Variants in SEC14L1 observed in about 807,000 individuals in gnomAD.
SEC14L1 encodes the protein SEC14-like protein 1.
Under a neutral mutation model 85.3 loss-of-function variants are expected in SEC14L1, and 48 were observed. The observed-to-expected ratio is 0.56, with a 90% CI of 0.45 to 0.72. The LOEUF (loss-of-function observed/expected upper bound fraction) is 0.72. Among genes scored for constraint, SEC14L1 ranks in the 30% least tolerant of loss-of-function variants. The pLI, the probability that SEC14L1 is intolerant of heterozygous loss-of-function variation, is 0.00. For synonymous variants in SEC14L1, 391 were observed against 355.5 expected (o/e 1.10, Z -1.12); for missense variants, 682 against 921.4 (o/e 0.74, Z 3.36).
At chr17:77,153,973 A>G (rs1029753345) in intron 3 of SEC14L1, among the ~76,000 whole-genome samples, 11 of 152,234 alleles carry the variant, frequency 7.2e-5, no homozygotes, top group Non-Finnish European at 1.2e-4. Context: ...CTTGCATGGT[A>G]CAAGTTGATG....
chr17:77,202,673 A>C (rs1226089195), intron 9 of SEC14L1, among the ~76,000 whole-genome samples: 1 of 152,076 alleles, frequency 6.6e-6, no homozygotes, highest in East Asian at 1.9e-4. Context: ...TAATCCTAGA[A>C]GTTTGGGAGG....
intron 3 of SEC14L1, among the ~76,000 whole-genome samples, chr17:77,158,221 C>T (rs1194427750): frequency 6.6e-6 from 1 of 152,224 alleles, no homozygotes; most frequent in Non-Finnish European, 1.5e-5. Flanking sequence ...TTCAGTGGCA[C>T]TAACTAAATT....
chr17:77,194,030 C>T (rs17540424), intron 6 of SEC14L1, among the ~76,000 whole-genome samples: 7,757 of 152,180 alleles, frequency 0.051, 311 homozygotes, highest in Admixed American at 0.11. Context: ...TTTGAAGGCT[C>T]ATTTTCAGGG....
chr17:77,216,279 A>C lies in SEC14L1; in HGVS notation c.*2256A>C, dbSNP rs187855520. ...GTAGGTAGGGTTCGTAGGTAGGGTT[A>C]GTAGGTAGGGTTCGTAGGTAGGGCT... On this transcript the variant is annotated 3_prime_UTR_variant, in exon 17 of 17. Coordinates refer to ENST00000436233, the MANE Select transcript of SEC14L1 (RefSeq NM_001143998.2). 2,116 of 1,127,116 alleles carry C rather than the reference A, an allele frequency of 1.9e-3. 101 individuals are homozygous for C. In the East Asian group the frequency reaches 0.052, roughly 28 times the overall value. The allele number at this position is 1,127,116 out of a possible 1,614,324, so 69.8% of individuals were successfully genotyped here.
Position 77,206,118 on chromosome 17 carries a change from G to T in SEC14L1, c.1170-111G>T. 2 of 1,049,824 alleles carry T rather than the reference G, an allele frequency of 1.9e-6. No homozygotes were observed. Among genetic ancestry groups the T allele is most frequent in the Non-Finnish European group, 2.8e-6 (2 of 726,502 alleles). The allele number at this position is 1,049,824 out of a possible 1,614,324, so 65.0% of individuals were successfully genotyped here. A position where few individuals can be genotyped will look rare whatever the true frequency, so the allele number is the denominator to read the frequency against. ...CATAGCACTATAATTTAAAAAAATT[G>T]ATTATGATGTATTTGGAAATAGCTA... On this transcript the variant is annotated intron_variant, in intron 11 of 16. Coordinates refer to ENST00000436233, the MANE Select transcript of SEC14L1 (RefSeq NM_001143998.2). The surrounding 1 kb of genome is among the most constrained non-coding windows in gnomAD (Gnocchi z 4.3).
chr17:77,134,249 C>T (rs1028297858), intron 3 of SEC14L1, among the ~76,000 whole-genome samples: 1 of 145,472 alleles, frequency 6.9e-6, no homozygotes, highest in African/African-American at 2.5e-5. Context: ...AACACACACA[C>T]ACTTTTTTTT....
At chr17:77,092,374 C>T (rs1397968790) in intron 2 of SEC14L1, among the ~76,000 whole-genome samples, 1 of 152,062 alleles carries the variant, frequency 6.6e-6, no homozygotes, top group Non-Finnish European at 1.5e-5. Context: ...AGGACATTTT[C>T]TGTTGAACCC....
intron 3 of SEC14L1, among the ~76,000 whole-genome samples, chr17:77,163,181 G>A (rs1266250340): frequency 1.3e-5 from 2 of 152,152 alleles, no homozygotes; most frequent in African/African-American, 2.4e-5. Context: ...AGCGAGTATA[G>A]AGTCTGTGAA....
At chr17:77,153,735 C>T (rs1257409982) in intron 3 of SEC14L1, among the ~76,000 whole-genome samples, 4 of 151,944 alleles carry the variant, frequency 2.6e-5, no homozygotes, top group Non-Finnish European at 4.4e-5. Context: ...CAGTCCTTGC[C>T]CTCTTCTGTT....
intron 3 of SEC14L1, among the ~76,000 whole-genome samples, chr17:77,113,236 T>C (rs1358690747): frequency 6.6e-6 from 1 of 152,204 alleles, no homozygotes; most frequent in Non-Finnish European, 1.5e-5. Flanking sequence ...GAATTCTATC[T>C]TGAGAACAGA....
At chr17:77,111,191 GAAAAAAAA>G (rs57425211) in intron 3 of SEC14L1, among the ~76,000 whole-genome samples, 3 of 101,116 alleles carry the variant, frequency 3.0e-5, no homozygotes, top group Non-Finnish European at 6.0e-5. Context: ...GTCTCAAAAA[GAAAAAAAA>G]AAAAAAAAAA....
At chr17:77,190,776 C>T (rs747736632) in intron 3 of SEC14L1, 27 bp from the exon 4 acceptor site, 2 of 1,613,292 alleles carry the variant, frequency 1.2e-6, no homozygotes, top group Admixed American at 3.3e-5. Context: ...TTGCTCACTT[C>T]TGCTTTCTTG....
In SEC14L1 at chr17:77,196,205, A is replaced by G; in HGVS notation, c.713A>G (p.Lys238Arg). 1 of 1,612,556 alleles carries G rather than the reference A, an allele frequency of 6.2e-7. No homozygotes were observed. Among genetic ancestry groups the G allele is most frequent in the East Asian group, 2.2e-5 (1 of 44,864 alleles). Residue 238 changes from lysine to arginine, a missense_variant, in exon 8 of 17, where the codon AAA becomes AGA. Coordinates refer to ENST00000436233, the MANE Select transcript of SEC14L1 (RefSeq NM_001143998.2). ...ATAAATGTCACTTACATTCCAGACAAACTAGATGCCGACTACATCAAGAGA... is the reference window on the plus strand; with the variant it reads ...ATAAATGTCACTTACATTCCAGACAGACTAGATGCCGACTACATCAAGAGA... Reference protein sequence around the residue: ...PEPVVGTPDDKLDADYIKRYL... With the variant: ...PEPVVGTPDDRLDADYIKRYL...
Position 77,206,901 on chromosome 17 carries a change from A to T in SEC14L1, c.1476+39A>T. 2.7e-6 allele frequency: 4 copies of T among 1,473,414 alleles called. No homozygotes were observed. The highest frequency in any genetic ancestry group is 1.4e-5 in the African/African-American group (1 of 70,330). The allele number at this position is 1,473,414 out of a possible 1,614,324, so 91.3% of individuals were successfully genotyped here. A position where few individuals can be genotyped will look rare whatever the true frequency, so the allele number is the denominator to read the frequency against. ...CGAGGAACTGCACATTTGGCCCCTT[A>T]TGCAGGTGGGAGAGGTCGGTGTCGA... On this transcript the variant is annotated intron_variant, in intron 13 of 16. Coordinates refer to ENST00000436233, the MANE Select transcript of SEC14L1 (RefSeq NM_001143998.2). The surrounding 1 kb of genome is among the most constrained non-coding windows in gnomAD (Gnocchi z 4.3).
chr17:77,097,320 C>T (rs1424862481), intron 3 of SEC14L1, among the ~76,000 whole-genome samples: 2 of 152,066 alleles, frequency 1.3e-5, no homozygotes, highest in East Asian at 3.9e-4. Flanking sequence ...AATCCCAGCA[C>T]TTTGGGAGGC....
rs1976853843 is a variant in SEC14L1, at chr17:77,213,178, G to A, written c.1864-136G>A. The A allele has an allele frequency of 2.7e-6, 2 of 738,772 alleles. No individual in the cohort carries two copies. Among genetic ancestry groups the A allele is most frequent in the Middle Eastern group, 3.7e-4 (1 of 2,736 alleles). The allele number at this position is 738,772 out of a possible 1,614,324, so 45.8% of individuals were successfully genotyped here. ...ACCTGCTGCTGAAGCAAAATAGCAG[G>A]TTCTGAATCCCATTGAGATAGTTTC... On this transcript the variant is annotated intron_variant, in intron 15 of 16. Coordinates refer to ENST00000436233, the MANE Select transcript of SEC14L1 (RefSeq NM_001143998.2). The surrounding 1 kb of genome is among the most constrained non-coding windows in gnomAD (Gnocchi z 7.1).
chr17:77,139,692 A>G (rs927112763), upstream of SEC14L1, among the ~76,000 whole-genome samples: 3 of 149,186 alleles, frequency 2.0e-5, no homozygotes, highest in African/African-American at 5.0e-5. Flanking sequence ...AGAGACAGGG[A>G]TTTCACCGTG....
intron 3 of SEC14L1, among the ~76,000 whole-genome samples, chr17:77,151,886 T>C (rs1973576467): frequency 6.6e-6 from 1 of 152,196 alleles, no homozygotes; most frequent in African/African-American, 2.4e-5. Context: ...TGTACCCACT[T>C]TTTTCTTTCC....
chr17:77,132,358 G>A (rs1453755066), intron 3 of SEC14L1, among the ~76,000 whole-genome samples: 2 of 151,736 alleles, frequency 1.3e-5, no homozygotes. Flanking sequence ...AAGTAGCTGC[G>A]ATTACAGGCA....
Sources: allele counts gnomAD v4.1 joint callset (sites outside exome capture counted in the v4.1 genomes callset), GRCh38; gene constraint gnomAD v4.1.1; non-coding constraint Gnocchi (gnomAD v3.1); transcripts MANE v1.5; gene names NCBI Gene and HGNC (gene_info 2026-07-23, HGNC 2026-07-21).